CD8B: variants seen among roughly 807,000 people sequenced by gnomAD.
CD8B encodes CD8 subunit beta.
In CD8B, 6 loss-of-function variants were observed where a neutral mutation model predicts 24.2. The observed-to-expected ratio is 0.25, with a 90% CI of 0.14 to 0.49. The LOEUF (loss-of-function observed/expected upper bound fraction) is 0.49. Among genes scored for constraint, CD8B ranks in the 20% least tolerant of loss-of-function variants. The probability of loss-of-function intolerance (pLI) is 0.98; values close to 1 mark genes in which losing one functional copy is unlikely to be tolerated. For synonymous variants in CD8B, 84 were observed against 108.3 expected, an observed-to-expected ratio of 0.78 and a Z score of 1.39; for missense variants, 196 against 271.3, an observed-to-expected ratio of 0.72 and a Z score of 1.95.
At position 86,840,436 on chromosome 2, in the gene CD8B, AG is replaced by A. The variant is rs1199568963; in HGVS notation, c.*1870del. The stretch of plus-strand genomic sequence containing the variant: ...CCCTTCCACTGCATCTCAGATGGAA[AG>A]GGAGACGGCCCTGGATTGACCACAG... On this transcript the variant is annotated 3_prime_UTR_variant, in exon 6 of 6. Transcript: ENST00000390655. Among the ~76,000 whole-genome samples the A allele has an allele frequency of 1.3e-5, 2 of 152,220 alleles. No homozygotes were observed. The highest frequency in any genetic ancestry group is 4.8e-5 in the African/African-American group (2 of 41,454).
At chr2:86,843,875 G>A (rs1436687242) in intron 5 of CD8B, among the ~76,000 whole-genome samples, 1 of 152,200 alleles carries the variant, frequency 6.6e-6, no homozygotes, top group African/African-American at 2.4e-5. Flanking sequence ...ATTGGCAGAC[G>A]GGATTCAAAC....
At chr2:86,825,367 C>T (rs1674637307) in intron 5 of CD8B, among the ~76,000 whole-genome samples, 2 of 152,172 alleles carry the variant, frequency 1.3e-5, no homozygotes, top group South Asian at 4.1e-4. Context: ...TCCAGGATCC[C>T]CCAACCCCTC....
chr2:86,836,701 G>A (rs1320438896), downstream of CD8B, among the ~76,000 whole-genome samples: 2 of 152,142 alleles, frequency 1.3e-5, no homozygotes, highest in Admixed American at 6.5e-5. Flanking sequence ...GGGAGGTCAA[G>A]GCTGCAGTGA....
At chr2:86,821,850 C>G (rs1674489565) in intron 5 of CD8B, 1 of 309,856 alleles carries the variant, frequency 3.2e-6, no homozygotes, top group Non-Finnish European at 7.0e-6. Flanking sequence ...TTCTCTTCCC[C>G]CTGGTTAATT....
intron 5 of CD8B, among the ~76,000 whole-genome samples, chr2:86,820,217 G>A (rs922239436): frequency 6.6e-6 from 1 of 152,230 alleles, no homozygotes; most frequent in African/African-American, 2.4e-5. Context: ...AGTTGAGAAA[G>A]AGGCGTCAGT....
At chr2:86,821,851 C>T (rs1674489756) in intron 5 of CD8B, 1 of 304,008 alleles carries the variant, frequency 3.3e-6, no homozygotes, top group Admixed American at 3.4e-5. Flanking sequence ...TCTCTTCCCC[C>T]TGGTTAATTC....
In CD8B at chr2:86,842,168, T is replaced by A; in HGVS notation, c.*139A>T. On this transcript the variant is annotated 3_prime_UTR_variant, in exon 6 of 6. Coordinates refer to ENST00000390655, the MANE Select transcript of CD8B (RefSeq NM_004931.5). ...ATGCACATCACACACAGAAAGGCCT[T>A]GCAGCAGTGAAAAGCAGGCAGCTTC... 1.3e-6 allele frequency: 2 copies of A among 1,493,034 alleles called. No individual in the cohort carries two copies. Among genetic ancestry groups the A allele is most frequent in the Non-Finnish European group, 1.8e-6 (2 of 1,122,306 alleles). The allele number at this position is 1,493,034 out of a possible 1,614,324, so 92.5% of individuals were successfully genotyped here.
At position 86,861,810 on chromosome 2, in the gene CD8B, G is replaced by T; in HGVS notation, c.43+13C>A. ...GCGCAGACCCTTGGGTAGCCCGCGC[G>T]CCGCCGCCTTACCTGTCAGCTGCGC... On this transcript the variant is annotated intron_variant, in intron 1 of 5. Coordinates refer to ENST00000390655, the MANE Select transcript of CD8B (RefSeq NM_004931.5). 3.9e-6 allele frequency: 5 copies of T among 1,271,318 alleles called. No individual in the cohort carries two copies. Among genetic ancestry groups the T allele is most frequent in the Non-Finnish European group, 3.0e-6 (3 of 1,010,188 alleles). 78.8% of individuals were successfully genotyped at this position (1,271,318 alleles called of 1,614,324 possible).
chr2:86,858,883 G>A (rs1207958094), intron 1 of CD8B, among the ~76,000 whole-genome samples: 2 of 152,118 alleles, frequency 1.3e-5, no homozygotes, highest in Non-Finnish European at 2.9e-5. Flanking sequence ...GTAGCTGAGA[G>A]TATAGGCATG....
rs1001569151 is a variant in CD8B, at chr2:86,839,169, G to A, written c.*3138C>T. ...TATTGTATTAAGAATAATCTATACA[G>A]ATGTTTTAAAAATATATGCATTTGT... On this transcript the variant is annotated 3_prime_UTR_variant, in exon 6 of 6. Transcript: ENST00000390655. 6.6e-6 allele frequency among the ~76,000 whole-genome samples: 1 copy of A among 152,180 alleles called. No homozygotes were observed. Among genetic ancestry groups the A allele is most frequent in the African/African-American group, 2.4e-5 (1 of 41,444 alleles).
intron 2 of CD8B, among the ~76,000 whole-genome samples, chr2:86,854,803 A>C (rs1163110566): frequency 7.2e-6 from 1 of 139,026 alleles, no homozygotes; most frequent in South Asian, 2.3e-4. Context: ...AGTCAGGGGG[A>C]CAGAAAAAAA....
rs918844819 is a variant in CD8B, at chr2:86,839,493, T to A, written c.*2814A>T. 6.6e-6 allele frequency among the ~76,000 whole-genome samples: 1 copy of A among 152,068 alleles called. No individual in the cohort carries two copies. The highest frequency in any genetic ancestry group is 1.5e-5 in the Non-Finnish European group (1 of 68,006). On this transcript the variant is annotated 3_prime_UTR_variant, in exon 6 of 6. Transcript: ENST00000390655. ...ATTTCATCATAATGGCCCTATAGAGTGTAGTAGCAGCTCAGCTCCTTCTTC... is the reference window on the plus strand; with the variant it reads ...ATTTCATCATAATGGCCCTATAGAGAGTAGTAGCAGCTCAGCTCCTTCTTC...
intron 5 of CD8B, among the ~76,000 whole-genome samples, chr2:86,825,994 A>G (rs1029056468): frequency 4.6e-5 from 7 of 152,018 alleles, no homozygotes; most frequent in African/African-American, 1.7e-4. Flanking sequence ...TCGGGGGGAA[A>G]ACATCCATGA....
Position 86,841,581 on chromosome 2 carries a change from G to GT in CD8B, c.*725dup, listed in dbSNP as rs1558756026. ...TTCGCACGTTTATGTCACAGGAGCC[G>GT]TTTGTTATCTTTAACCTGGGACTTT... On this transcript the variant is annotated 3_prime_UTR_variant, in exon 6 of 6. Transcript: ENST00000390655. 2 of 985,118 alleles carry GT rather than the reference G, an allele frequency of 2.0e-6. No individual in the cohort carries two copies. Among genetic ancestry groups the GT allele is most frequent in the African/African-American group, 3.5e-5 (2 of 57,230 alleles). 61.0% of individuals were successfully genotyped at this position (985,118 alleles called of 1,614,324 possible). A position where few individuals can be genotyped will look rare whatever the true frequency, so the allele number is the denominator to read the frequency against.
chr2:86,846,009 G>A (rs1675654219), intron 4 of CD8B, among the ~76,000 whole-genome samples: 2 of 152,196 alleles, frequency 1.3e-5, no homozygotes, highest in South Asian at 4.1e-4. Flanking sequence ...GGGCTTGCTC[G>A]AGGTGGCACA....
chr2:86,848,411 C>T (rs1675794997), intron 3 of CD8B, among the ~76,000 whole-genome samples: 1 of 152,132 alleles, frequency 6.6e-6, no homozygotes, highest in Admixed American at 6.5e-5. Context: ...CTATCTGTTC[C>T]TTTGTCCATT....
chr2:86,823,654 C>T (rs754563955), intron 5 of CD8B, among the ~76,000 whole-genome samples: 20 of 152,164 alleles, frequency 1.3e-4, no homozygotes, highest in Middle Eastern at 3.2e-3. Context: ...ACATAATGTT[C>T]ATTTGCTCAT....
rs193152771 is a variant in CD8B, at chr2:86,826,017, G to A, written c.621-10299C>T. ...AAAACATCCATGACAGCCTCCCTGA[G>A]CCTTGAAACATTTGCAGACCAAGCA... On this transcript the variant is annotated intron_variant, in intron 5 of 5. Transcript: ENST00000331469. Among the ~76,000 whole-genome samples the A allele has an allele frequency of 9.9e-5, 15 of 152,278 alleles. No individual in the cohort carries two copies. The East Asian group carries it at 2.7e-3, about 28-fold the overall frequency.
At chr2:86,827,595 CT>C (rs1303519605) in intron 5 of CD8B, among the ~76,000 whole-genome samples, 1 of 149,984 alleles carries the variant, frequency 6.7e-6, no homozygotes, top group African/African-American at 2.5e-5. Flanking sequence ...GCACTCCAGC[CT>C]GGGTCACAGA....
Sources: allele counts gnomAD v4.1 joint callset (sites outside exome capture counted in the v4.1 genomes callset), GRCh38; gene constraint gnomAD v4.1.1; transcripts MANE v1.5; gene names NCBI Gene and HGNC (gene_info 2026-07-23, HGNC 2026-07-21).